The following PRUNE2 variants were observed in gnomAD, a reference collection of about 807,000 sequenced individuals.
PRUNE2 encodes the protein prune homolog 2 with BCH domain.
In PRUNE2, 164 loss-of-function variants were observed where a neutral mutation model predicts 252.0. The ratio of observed to expected loss-of-function variants is 0.65; its 90% confidence interval spans 0.57 to 0.74. PRUNE2 has a LOEUF of 0.74. Ranked by LOEUF, PRUNE2 falls within the 30% of genes least tolerant of loss-of-function variation. The pLI is 0.00. For synonymous variants in PRUNE2, 1,292 were observed against 1,350.2 expected, an observed-to-expected ratio of 0.96 and a Z score of 0.94; for missense variants, 3,495 against 3,711.0, an observed-to-expected ratio of 0.94 and a Z score of 1.51.
intron 9 of PRUNE2, among the ~76,000 whole-genome samples, chr9:76,675,881 C>T (rs1307399806): frequency 1.6e-5 from 2 of 124,420 alleles, no homozygotes; most frequent in Non-Finnish European, 3.3e-5. Context: ...CACATGGACA[C>T]AGGAAGGGGA....
intron 8 of PRUNE2, among the ~76,000 whole-genome samples, 197 bp downstream of exon 8, chr9:76,704,564 G>A (rs559362422): frequency 2.0e-5 from 3 of 152,116 alleles, no homozygotes; most frequent in Non-Finnish European, 2.9e-5. Context: ...CGATTTTCTC[G>A]TGCACTATCA....
At chr9:76,635,181 AG>A (rs1382372118) in intron 15 of PRUNE2, among the ~76,000 whole-genome samples, 1 of 152,184 alleles carries the variant, frequency 6.6e-6, no homozygotes, top group Non-Finnish European at 1.5e-5. Flanking sequence ...CATGTTGGCC[AG>A]GCTGGTCTCA....
At chr9:76,817,342 T>C (rs942189036) in intron 6 of PRUNE2, among the ~76,000 whole-genome samples, 2 of 152,212 alleles carry the variant, frequency 1.3e-5, no homozygotes, top group African/African-American at 4.8e-5. Context: ...TTAACCTCTT[T>C]AGATTCCAAT....
Position 76,636,533 on chromosome 9 carries a change from G to T in PRUNE2, c.8988C>A (p.Phe2996Leu). The T allele has an allele frequency of 6.4e-7, 1 of 1,552,128 alleles. No individual in the cohort carries two copies. The highest frequency in any genetic ancestry group is 8.7e-7 in the Non-Finnish European group (1 of 1,144,522). Reference sequence around the variant, plus strand: ...TGAACCAAGATGGATGAACAATGATGAATGATTTCAAATTCTTCCTCAACC... The same window carrying T: ...TGAACCAAGATGGATGAACAATGATTAATGATTTCAAATTCTTCCTCAACC... ...DRRLRKNLKS[F>L]IIVHPSWFIR... The change falls in exon 15 of 19, where the codon TTC becomes TTA. Residue 2996 changes from phenylalanine (F) to leucine (L), a missense_variant. Physicochemically the swap from Phe to Leu is conservative, Grantham distance 22 (BLOSUM62 0). Coordinates refer to ENST00000376718, the MANE Select transcript of PRUNE2 (RefSeq NM_015225.3).
At chr9:76,904,911 T>C (rs917480801) in intron 1 of PRUNE2, among the ~76,000 whole-genome samples, 1 of 152,234 alleles carries the variant, frequency 6.6e-6, no homozygotes, top group Non-Finnish European at 1.5e-5. Flanking sequence ...GTTACAGTAA[T>C]AACCCTGCAA....
intron 1 of PRUNE2, among the ~76,000 whole-genome samples, chr9:76,888,368 A>T (rs2133430592): frequency 6.6e-6 from 1 of 152,234 alleles, no homozygotes; most frequent in East Asian, 1.9e-4. Flanking sequence ...CACAGGGTCA[A>T]GAGATCAAGA....
At chr9:76,837,217 G>A (rs187156776) in intron 4 of PRUNE2, among the ~76,000 whole-genome samples, 48 of 152,210 alleles carry the variant, frequency 3.2e-4, no homozygotes, top group African/African-American at 1.1e-3. Flanking sequence ...GCCAAGGCGG[G>A]CGGATCACAA....
At chr9:76,615,178 G>C in intron 18 of PRUNE2, 2 of 985,142 alleles carry the variant, frequency 2.0e-6, no homozygotes, top group Non-Finnish European at 2.4e-6. Flanking sequence ...TGAGGAGTAA[G>C]CCTAAAACTC....
chr9:76,641,180 G>A (rs187844853), intron 12 of PRUNE2, among the ~76,000 whole-genome samples: 64 of 152,156 alleles, frequency 4.2e-4, no homozygotes, highest in African/African-American at 1.5e-3. Context: ...GAAATGTCTC[G>A]ATATAAAAAG....
chr9:76,685,771 T>A (rs2134320651), intron 9 of PRUNE2, among the ~76,000 whole-genome samples: 1 of 152,312 alleles, frequency 6.6e-6, no homozygotes, highest in African/African-American at 2.4e-5. Flanking sequence ...TTTGGTACTT[T>A]GTTATAGCAG....
intron 9 of PRUNE2, among the ~76,000 whole-genome samples, chr9:76,682,423 G>A (rs539683417): frequency 5.5e-4 from 82 of 148,902 alleles, no homozygotes; most frequent in Non-Finnish European, 2.5e-4. Flanking sequence ...GTGCAGTGGC[G>A]TGATCTCGGC....
At chr9:76,646,575 C>T (rs914500488) in intron 11 of PRUNE2, among the ~76,000 whole-genome samples, 1 of 151,796 alleles carries the variant, frequency 6.6e-6, no homozygotes, top group Admixed American at 6.6e-5. Context: ...GCAAATCCAC[C>T]CATCTCTTTG....
At chr9:76,743,150 A>G (rs973518368) in intron 6 of PRUNE2, among the ~76,000 whole-genome samples, 5 of 152,166 alleles carry the variant, frequency 3.3e-5, no homozygotes, top group Non-Finnish European at 5.9e-5. Context: ...TGCTATGATT[A>G]TAAGTTTCTT....
At chr9:76,854,248 G>A in intron 1 of PRUNE2, 40 bp from the exon 2 acceptor site, 1 of 1,088,282 alleles carries the variant, frequency 9.2e-7, no homozygotes, top group Non-Finnish European at 1.4e-6. Context: ...TTTAACAGGT[G>A]ACAGATTAAT....
intron 1 of PRUNE2, among the ~76,000 whole-genome samples, chr9:76,859,823 T>C (rs1489838514): frequency 6.6e-6 from 1 of 152,076 alleles, no homozygotes; most frequent in African/African-American, 2.4e-5. Context: ...CTGCCTCAGT[T>C]TCCCAAGTAG....
chr9:76,861,244 A>G (rs2060528129), intron 1 of PRUNE2, among the ~76,000 whole-genome samples: 1 of 152,180 alleles, frequency 6.6e-6, no homozygotes, highest in Non-Finnish European at 1.5e-5. Flanking sequence ...TAAATAAACG[A>G]GATGCCTCTT....
chr9:76,637,445 T>C lies in PRUNE2; in HGVS notation c.8936A>G (p.Lys2979Arg). The change falls in exon 14 of 19, where the codon AAG becomes AGG. Residue 2979 changes from lysine to arginine, a missense_variant. Coordinates refer to ENST00000376718, the MANE Select transcript of PRUNE2 (RefSeq NM_015225.3). ...TCTGTCAATCATCTGGTAGCATTTC[T>C]TCATCCAGCCTAGCCCTGGCATCCT... ...RRRMPGLGWMKKCYQMIDRRL... is the reference protein window; with the variant it reads ...RRRMPGLGWMRKCYQMIDRRL... 1 of 1,613,728 alleles carries C rather than the reference T, an allele frequency of 6.2e-7. No individual in the cohort carries two copies. Among genetic ancestry groups the C allele is most frequent in the Non-Finnish European group, 8.5e-7 (1 of 1,179,802 alleles).
intron 9 of PRUNE2, among the ~76,000 whole-genome samples, chr9:76,662,108 A>C (rs2039207780): frequency 6.6e-6 from 1 of 152,238 alleles, no homozygotes; most frequent in South Asian, 2.1e-4. Context: ...CTAGAGGAAA[A>C]TAAATAGCCT....
chr9:76,758,941 CA>C (rs2051424067), intron 6 of PRUNE2: 1 of 152,268 alleles, frequency 6.6e-6, no homozygotes, highest in African/African-American at 2.4e-5. Context: ...AGGAGGGGCT[CA>C]GGGGGTTCAG....
Sources: gnomAD v4.1 joint callset for allele counts (sites outside exome capture counted in the v4.1 genomes callset) on GRCh38, gnomAD v4.1.1 for gene constraint, MANE v1.5 for transcripts, NCBI Gene and HGNC (gene_info 2026-07-23, HGNC 2026-07-21) for gene names.